Variants in PRRC2B observed in about 807,000 individuals in gnomAD.
PRRC2B encodes the protein proline rich coiled-coil 2B, also known as protein PRRC2B.
A neutral mutation model predicts 242.3 loss-of-function variants in PRRC2B; 68 were observed. The observed-to-expected ratio is 0.28, with a 90% CI of 0.23 to 0.34. The LOEUF (loss-of-function observed/expected upper bound fraction) is 0.34, where lower values mean the gene tolerates loss of function less well. Among genes scored for constraint, PRRC2B ranks in the 10% least tolerant of loss-of-function variants. The probability of loss-of-function intolerance (pLI) is 1.00; values close to 1 mark genes in which losing one functional copy is unlikely to be tolerated. For missense variants in PRRC2B, 2,835 were observed against 2,954.8 expected, an observed-to-expected ratio of 0.96 and a Z score of 0.94; for synonymous variants, 1,228 against 1,173.6, an observed-to-expected ratio of 1.05 and a Z score of -0.95.
At chr9:131,465,565 C>A (rs1315479685) in intron 12 of PRRC2B, among the ~76,000 whole-genome samples, 1 of 152,200 alleles carries the variant, frequency 6.6e-6, no homozygotes, top group South Asian at 2.1e-4. Context: ...ACTGATGATA[C>A]TCATCATCGT....
At chr9:131,403,536 G>A (rs1267269658) in intron 1 of PRRC2B, among the ~76,000 whole-genome samples, 2 of 151,278 alleles carry the variant, frequency 1.3e-5, no homozygotes, top group Non-Finnish European at 1.5e-5. Context: ...TTGTATTTTA[G>A]TAGAGATGGG....
intron 1 of PRRC2B, among the ~76,000 whole-genome samples, chr9:131,398,342 G>T (rs899018866): frequency 6.6e-6 from 1 of 152,246 alleles, no homozygotes; most frequent in Non-Finnish European, 1.5e-5. Context: ...TGTGTGACCT[G>T]AGAAGCATCC....
At chr9:131,384,083 ATTTTTTTTT>A (rs111724850) in intron 1 of PRRC2B, among the ~76,000 whole-genome samples, 2 of 58,990 alleles carry the variant, frequency 3.4e-5, no homozygotes, top group South Asian at 6.6e-4. Context: ...ATACCCGGCT[ATTTTTTTTT>A]TTTTTTTTTT....
Position 131,449,984 on chromosome 9 carries a change from A to T in PRRC2B, c.1120+2180A>T, listed in dbSNP as rs931747356. The stretch of plus-strand genomic sequence containing the variant: ...TTGTTGATAAGACTTCACTTTCCCT[A>T]TCGAATTGCTTTGGAACCTTTGCCA... On this transcript the variant is annotated intron_variant, in intron 9 of 31. Transcript: ENST00000683519. Among the ~76,000 whole-genome samples the T allele has an allele frequency of 2.0e-5, 3 of 152,272 alleles. No homozygotes were observed. The East Asian group carries it at 5.8e-4, about 29-fold the overall frequency.
chr9:131,427,240 C>A (rs1027669877), intron 1 of PRRC2B, among the ~76,000 whole-genome samples: 2 of 152,196 alleles, frequency 1.3e-5, no homozygotes, highest in Non-Finnish European at 2.9e-5. Context: ...ACGGCACCAG[C>A]TCAGTCAGCG....
At chr9:131,447,405 G>A (rs995678353) in intron 8 of PRRC2B, among the ~76,000 whole-genome samples, 199 bp downstream of exon 8, 1 of 152,098 alleles carries the variant, frequency 6.6e-6, no homozygotes, top group Non-Finnish European at 1.5e-5. Context: ...TCAAGTGCCT[G>A]GTAGAGTTGA....
intron 5 of PRRC2B, among the ~76,000 whole-genome samples, chr9:131,440,945 C>T (rs906961208): frequency 5.9e-5 from 9 of 151,948 alleles, no homozygotes; most frequent in Admixed American, 2.0e-4. Context: ...ACAAGAAATA[C>T]AAAAAATCAG....
intron 31 of PRRC2B, among the ~76,000 whole-genome samples, chr9:131,495,403 G>T (rs1564304817): frequency 6.6e-6 from 1 of 152,322 alleles, no homozygotes; most frequent in East Asian, 1.9e-4. Context: ...GGGGCAGGAG[G>T]TGCACTGATT....
At chr9:131,469,151 T>C (rs1439967272) in intron 13 of PRRC2B, among the ~76,000 whole-genome samples, 1 of 151,998 alleles carries the variant, frequency 6.6e-6, no homozygotes, top group East Asian at 1.9e-4. Context: ...CTGACCAATA[T>C]GGTGAAACCC....
chr9:131,402,344 C>T (rs1304739376), intron 1 of PRRC2B, among the ~76,000 whole-genome samples: 1 of 152,162 alleles, frequency 6.6e-6, no homozygotes, highest in African/African-American at 2.4e-5. Flanking sequence ...TGAGATCATC[C>T]AGTATTTGTC....
In PRRC2B at chr9:131,455,077, C is replaced by T; in HGVS notation, c.1122C>T (p.Gly374=). Residue 374 remains glycine (G), a splice_region_variant and synonymous_variant, in exon 10 of 32, where the codon GGC becomes GGT. Transcript: ENST00000683519. ...TCCTGGGCCCTCCTGCTGTTGTAGG[C>T]CTCCATGAAGAAGTGGACTATTCTG... The part of the protein sequence containing the change: ...LDADADDGWA[G]LHEEVDYSEK... The T allele has an allele frequency of 4.3e-6, 7 of 1,611,754 alleles. No individual in the cohort carries two copies. Among genetic ancestry groups the T allele is most frequent in the Non-Finnish European group, 5.9e-6 (7 of 1,178,304 alleles).
chr9:131,462,465 G>A (rs1262634388), intron 11 of PRRC2B, among the ~76,000 whole-genome samples: 2 of 151,174 alleles, frequency 1.3e-5, no homozygotes, highest in Admixed American at 1.3e-4. Flanking sequence ...CACCTACCTC[G>A]GCCTCCCAAA....
rs1439608467 is a variant in PRRC2B at position 131,473,732 on chromosome 9, G to A, written c.2324+8G>A. On this transcript the variant is annotated splice_region_variant and intron_variant, in intron 15 of 31. Transcript: ENST00000683519. ...TATGGACATGCGTGTCAGGTGAGAT[G>A]AAGCCTGGTCCTGCTGCCTTGCCAC... 1.9e-6 allele frequency: 3 copies of A among 1,609,362 alleles called. No individual in the cohort carries two copies. The highest frequency in any genetic ancestry group is 2.5e-6 in the Non-Finnish European group (3 of 1,177,206).
intron 1 of PRRC2B, among the ~76,000 whole-genome samples, chr9:131,425,336 A>C (rs1837949314): frequency 6.6e-6 from 1 of 152,018 alleles, no homozygotes; most frequent in Non-Finnish European, 1.5e-5. Context: ...GGAAGTATGA[A>C]TCAAACCTTC....
chr9:131,475,467 G>T lies in PRRC2B; in HGVS notation c.3338G>T (p.Arg1113Leu). 1 of 1,588,970 alleles carries T rather than the reference G, an allele frequency of 6.3e-7. No individual in the cohort carries two copies. The change falls in exon 16 of 32, where the codon CGA (arginine) becomes CTA (leucine). Residue 1113 changes from arginine (R) to leucine (L), a missense_variant. Arg to Leu is a moderately radical substitution (Grantham distance 102). Transcript: ENST00000683519. ...SQRSGRGRGL[R>L]EFARPEDCPR... ...CGCAGCGGCCGTGGCCGGGGCCTGCGAGAGTTTGCGCGGCCAGAGGACTGC... is the reference window on the plus strand; with the variant it reads ...CGCAGCGGCCGTGGCCGGGGCCTGCTAGAGTTTGCGCGGCCAGAGGACTGC...
Position 131,486,104 on chromosome 9 carries a change from G to C in PRRC2B, c.5778G>C (p.Leu1926=), listed in dbSNP as rs1385375736. 6.2e-7 allele frequency: 1 copy of C among 1,612,808 alleles called. No individual in the cohort carries two copies. ...ASMPGSHLPP[L]YLDGHVFASQ... ...TTCCAGGCAGCCACCTCCCGCCCCT[G>C]TACCTGGATGGCCATGTGTTTGCAA... Residue 1926 remains leucine (L), a synonymous_variant, in exon 26 of 32, where the codon CTG becomes CTC. Transcript: ENST00000683519.
Position 131,476,078 on chromosome 9 carries a change from C to T in PRRC2B, c.3949C>T (p.Arg1317Trp), listed in dbSNP as rs758440455. 3 of 1,607,452 alleles carry T rather than the reference C, an allele frequency of 1.9e-6. No homozygotes were observed. Among genetic ancestry groups the T allele is most frequent in the Non-Finnish European group, 2.6e-6 (3 of 1,175,950 alleles). ...TAAGCCCCCTCGATTCCGGCGCCTC[C>T]GGCAAGAGCGGGAGTCCCTGGGCCT... ...QDKPPRFRRLRQERESLGLWG... is the reference protein window; with the variant it reads ...QDKPPRFRRLWQERESLGLWG... The change falls in exon 16 of 32, where the codon CGG becomes TGG. Residue 1317 changes from arginine (R) to tryptophan (W), a missense_variant. Coordinates refer to ENST00000683519, the MANE Select transcript of PRRC2B (RefSeq NM_013318.4).
Position 131,478,636 on chromosome 9 carries a change from GGGGGGGCATGGGGCT to G in PRRC2B, c.4758+20_4758+34del. The G allele has an allele frequency of 7.0e-7, 1 of 1,437,150 alleles. No individual in the cohort carries two copies. The highest frequency in any genetic ancestry group is 9.6e-7 in the Non-Finnish European group (1 of 1,037,546). The allele number at this position is 1,437,150 out of a possible 1,614,324, so 89.0% of individuals were successfully genotyped here. A position where few individuals can be genotyped will look rare whatever the true frequency, so the allele number is the denominator to read the frequency against. ...GCCGTGCAGGTGAGGGGCGGAGGGT[GGGGGGGCATGGGGCT>G]GGAGGGCAGGCTGGCAGATGCCCAG... On this transcript the variant is annotated intron_variant, in intron 18 of 31. Coordinates refer to ENST00000683519, the MANE Select transcript of PRRC2B (RefSeq NM_013318.4).
chr9:131,486,504 A>G, intron 26 of PRRC2B: 2 of 985,470 alleles, frequency 2.0e-6, no homozygotes, highest in Non-Finnish European at 2.4e-6. Flanking sequence ...GAAGAGAAGA[A>G]AGGCCTAAAC....
Sources: allele counts gnomAD v4.1 joint callset (sites outside exome capture counted in the v4.1 genomes callset), GRCh38; gene constraint gnomAD v4.1.1; transcripts MANE v1.5; gene names NCBI Gene and HGNC (gene_info 2026-07-23, HGNC 2026-07-21).